PLD5: variants seen among roughly 807,000 people sequenced by gnomAD.
PLD5 encodes inactive phospholipase D5.
Under a neutral mutation model 61.1 loss-of-function variants are expected in PLD5, and 36 were observed. That is an observed-to-expected ratio of 0.59 (90% CI 0.45 to 0.78). The LOEUF is 0.78. Ranked by LOEUF, PLD5 falls within the 30% of genes least tolerant of loss-of-function variation. PLD5 has a pLI of 0.00. For synonymous variants in PLD5, 243 were observed against 242.8 expected (o/e 1.00, Z -0.01); for missense variants, 515 against 644.4 (o/e 0.80, Z 2.17).
At chr1:242,383,046 T>C (rs920785316) in intron 1 of PLD5, among the ~76,000 whole-genome samples, 1 of 152,166 alleles carries the variant, frequency 6.6e-6, no homozygotes, top group Admixed American at 6.5e-5. Context: ...CTAACAAATG[T>C]AGATCTACTA....
chr1:242,292,136 C>T (rs1467169067), intron 2 of PLD5, among the ~76,000 whole-genome samples: 4 of 152,130 alleles, frequency 2.6e-5, no homozygotes, highest in African/African-American at 9.7e-5. Flanking sequence ...TATCTTAATT[C>T]TATCCACATT....
chr1:242,413,369 T>C (rs1664660508), intron 1 of PLD5, among the ~76,000 whole-genome samples: 1 of 152,078 alleles, frequency 6.6e-6, no homozygotes, highest in Admixed American at 6.6e-5. Context: ...TATGATAGAC[T>C]ATCCTAGGCT....
intron 2 of PLD5, among the ~76,000 whole-genome samples, chr1:242,303,451 T>G (rs1199101152): frequency 2.6e-5 from 4 of 152,228 alleles, no homozygotes; most frequent in Non-Finnish European, 5.9e-5. Context: ...CAACCCACAT[T>G]AAAAGTATTT....
intron 1 of PLD5, among the ~76,000 whole-genome samples, chr1:242,470,127 G>C (rs1043387048): frequency 2.0e-5 from 3 of 152,078 alleles, no homozygotes; most frequent in South Asian, 2.1e-4. Context: ...GGATCACGAG[G>C]TCAGGAGATC....
At chr1:242,353,247 T>G (rs1279553871) in intron 1 of PLD5, among the ~76,000 whole-genome samples, 1 of 152,206 alleles carries the variant, frequency 6.6e-6, no homozygotes, top group African/African-American at 2.4e-5. Context: ...AATATCCAGT[T>G]TTCCCAATAC....
chr1:242,339,089 G>T (rs562459935), intron 2 of PLD5, among the ~76,000 whole-genome samples: 41 of 151,566 alleles, frequency 2.7e-4, no homozygotes, highest in Admixed American at 1.1e-3. Flanking sequence ...CATAATTCTC[G>T]GTTTGATCTA....
chr1:242,142,936 T>C (rs1188012790), intron 5 of PLD5, among the ~76,000 whole-genome samples: 1 of 152,072 alleles, frequency 6.6e-6, no homozygotes, highest in African/African-American at 2.4e-5. Context: ...CAGGCTGCTC[T>C]TGAACTCCTG....
In PLD5 at chr1:242,137,809, G is replaced by A. The variant is rs79008296; in HGVS notation, c.736-13144C>T. On this transcript the variant is annotated intron_variant, in intron 5 of 9. Coordinates refer to ENST00000536534, the MANE Select transcript of PLD5 (RefSeq NM_001372062.1). ...GCTGCTCCTTAAGTATCACCTGATG[G>A]GAGAAATGAAAGTAATGCCACTGAA... Among the ~76,000 whole-genome samples the A allele has an allele frequency of 4.4e-3, 663 of 152,120 alleles. 5 individuals carry two copies. The highest frequency in any genetic ancestry group is 0.015 in the African/African-American group (616 of 41,470).
rs1178663494 is a variant in PLD5 at position 242,369,746 on chromosome 1, G to C, written c.190-21504C>G. Among the ~76,000 whole-genome samples, 3 of 152,266 alleles carry C rather than the reference G, an allele frequency of 2.0e-5. No homozygotes were observed. The East Asian group carries it at 5.8e-4, about 29-fold the overall frequency. On this transcript the variant is annotated intron_variant, in intron 1 of 9. Coordinates refer to ENST00000536534, the MANE Select transcript of PLD5 (RefSeq NM_001372062.1). ...TCTTATAGCAATGAGAAAGAGAGCT[G>C]TCTATTCTTGGACTATACCATCTCA...
rs540480730 is a variant in PLD5, at chr1:242,355,816, C to T, written c.190-7574G>A. 5.9e-5 allele frequency among the ~76,000 whole-genome samples: 9 copies of T among 152,200 alleles called. No individual in the cohort carries two copies. The East Asian group carries it at 1.7e-3, about 29-fold the overall frequency. ...GTTTCCATTTTCATTTGTCTCAAGA[C>T]ATTTTTTAATTTCCCTTTTATTCAC... On this transcript the variant is annotated intron_variant, in intron 1 of 9. Coordinates refer to ENST00000536534, the MANE Select transcript of PLD5 (RefSeq NM_001372062.1).
chr1:242,185,191 A>G lies in PLD5; in HGVS notation c.735+34797T>C, dbSNP rs1415334397. Among the ~76,000 whole-genome samples, 5 of 152,306 alleles carry G rather than the reference A, an allele frequency of 3.3e-5. No individual in the cohort carries two copies. The East Asian group carries it at 5.8e-4, about 18-fold the overall frequency. On this transcript the variant is annotated intron_variant, in intron 5 of 9. Coordinates refer to ENST00000536534, the MANE Select transcript of PLD5 (RefSeq NM_001372062.1). ...GAGGCTGTCTCCCAACTGGCCCCAT[A>G]TAATCAACGCAGCCCAGCCCCACAT...
chr1:242,394,047 G>A (rs1455545896), intron 1 of PLD5, among the ~76,000 whole-genome samples: 2 of 139,472 alleles, frequency 1.4e-5, no homozygotes, highest in East Asian at 2.1e-4. Flanking sequence ...ATAAGACGAC[G>A]ACTCCATCTC....
At chr1:242,404,449 C>T (rs1572079340) in intron 1 of PLD5, among the ~76,000 whole-genome samples, 1 of 152,094 alleles carries the variant, frequency 6.6e-6, no homozygotes, top group African/African-American at 2.4e-5. Flanking sequence ...ATCTGTCAGA[C>T]ATTAACTACG....
intron 1 of PLD5, among the ~76,000 whole-genome samples, chr1:242,349,838 G>A (rs1046781740): frequency 3.9e-5 from 6 of 152,142 alleles, no homozygotes; most frequent in Admixed American, 2.6e-4. Flanking sequence ...GGGGACTTTT[G>A]GGAGCTGATT....
intron 4 of PLD5, among the ~76,000 whole-genome samples, chr1:242,261,949 A>G (rs1407762091): frequency 6.6e-6 from 1 of 152,228 alleles, no homozygotes; most frequent in South Asian, 2.1e-4. Flanking sequence ...TATATAGCCT[A>G]TTATGTCAGC....
At chr1:242,430,038 T>C (rs12130954) in intron 1 of PLD5, among the ~76,000 whole-genome samples, 11,198 of 152,222 alleles carry the variant, frequency 0.074, 472 homozygotes, top group Middle Eastern at 0.19. Flanking sequence ...CATTTTTTAG[T>C]GGCCTCTTTG....
intron 3 of PLD5, among the ~76,000 whole-genome samples, chr1:242,276,768 A>C (rs1452001158): frequency 6.6e-6 from 1 of 151,966 alleles, no homozygotes; most frequent in African/African-American, 2.4e-5. Flanking sequence ...TATCTGCTTG[A>C]AACCAGTGGA....
intron 5 of PLD5, among the ~76,000 whole-genome samples, chr1:242,164,090 C>T (rs1350056610): frequency 6.6e-6 from 1 of 150,990 alleles, no homozygotes; most frequent in Non-Finnish European, 1.5e-5. Flanking sequence ...AAGTCATTAT[C>T]GTTATTTTTA....
intron 4 of PLD5, among the ~76,000 whole-genome samples, chr1:242,241,869 C>CCA (rs1672033199): frequency 2.8e-5 from 2 of 70,846 alleles, no homozygotes; most frequent in Non-Finnish European, 5.0e-5. Context: ...GCTTTACTTA[C>CCA]TATATATATA....
Sources: gnomAD v4.1 joint callset for allele counts (sites outside exome capture counted in the v4.1 genomes callset) on GRCh38, gnomAD v4.1.1 for gene constraint, MANE v1.5 for transcripts, NCBI Gene and HGNC (gene_info 2026-07-23, HGNC 2026-07-21) for gene names.